Variants in CD1B observed in about 807,000 individuals in gnomAD.
CD1B encodes the protein CD1b molecule, also known as T-cell surface glycoprotein CD1b.
CD1B carries 43 observed loss-of-function variants against 39.8 expected under a neutral mutation model. That is an observed-to-expected ratio of 1.08 (90% CI 0.85 to 1.39). The LOEUF is 1.39. CD1B is among the 40% of genes most tolerant of loss of function. The pLI is 0.00. For synonymous variants in CD1B, 192 were observed against 152.5 expected, an observed-to-expected ratio of 1.26 and a Z score of -1.91; for missense variants, 495 against 403.8, an observed-to-expected ratio of 1.23 and a Z score of -1.94.
chr1:158,297,668 C>T, the CD1B span, among the ~76,000 whole-genome samples: 2 of 152,256 alleles, frequency 1.3e-5, no homozygotes, highest in Admixed American at 6.5e-5. Flanking sequence ...AAGACCCTGG[C>T]TCATGCCTGT....
the CD1B span, among the ~76,000 whole-genome samples, chr1:158,304,455 T>A: frequency 0.012 from 1,757 of 152,148 alleles, 34 homozygotes; most frequent in African/African-American, 0.04. Context: ...TCGAATGGGG[T>A]GTAGCCCACC....
the CD1B span, among the ~76,000 whole-genome samples, chr1:158,319,060 A>T: frequency 9.7e-3 from 1,470 of 151,350 alleles, 14 homozygotes; most frequent in Admixed American, 0.021. Context: ...CTTCCCTTTG[A>T]GGGTAACCCG....
At chr1:158,314,763 G>A in the CD1B span, among the ~76,000 whole-genome samples, 177 of 151,200 alleles carry the variant, frequency 1.2e-3, no homozygotes, top group Admixed American at 2.0e-3. Context: ...CCACTAACTC[G>A]TCATCTAGCA....
the CD1B span, among the ~76,000 whole-genome samples, chr1:158,289,348 G>A: frequency 2.6e-5 from 4 of 152,202 alleles, no homozygotes; most frequent in Admixed American, 2.6e-4. Flanking sequence ...AAATGCAGTA[G>A]AAGGGCTTCT....
At chr1:158,324,426 A>G (rs1652280312), downstream of CD1B, among the ~76,000 whole-genome samples, 1 of 152,158 alleles carries the variant, frequency 6.6e-6, no homozygotes, top group Non-Finnish European at 1.5e-5. Context: ...GTTACCTCCT[A>G]TTCCACCATC....
chr1:158,293,125 G>A, the CD1B span: 2,541 of 1,076,722 alleles, frequency 2.4e-3, 41 homozygotes, highest in African/African-American at 0.034. Flanking sequence ...CTCATCCAAT[G>A]CATATGTTAA....
At chr1:158,307,921 G>T in the CD1B span, among the ~76,000 whole-genome samples, 1 of 152,152 alleles carries the variant, frequency 6.6e-6, no homozygotes, top group Non-Finnish European at 1.5e-5. Flanking sequence ...TGGAAAACTG[G>T]CACAAGACAG....
chr1:158,318,608 T>G, the CD1B span, among the ~76,000 whole-genome samples: 1 of 152,212 alleles, frequency 6.6e-6, no homozygotes, highest in Non-Finnish European at 1.5e-5. Flanking sequence ...GGGTCTTGAC[T>G]CTTTATCCAA....
At position 158,331,485 on chromosome 1, in the gene CD1B, G is replaced by A; in HGVS notation, c.-62C>T. Reference sequence around the variant, plus strand: ...GTATTTGATCTCCAATTTCAGCAAAGCTTTTCCTCAGTACCCTGTAGTGAC... The same window carrying A: ...GTATTTGATCTCCAATTTCAGCAAAACTTTTCCTCAGTACCCTGTAGTGAC... On this transcript the variant is annotated 5_prime_UTR_variant, in exon 1 of 6. Coordinates refer to ENST00000368168, the MANE Select transcript of CD1B (RefSeq NM_001764.3). 7.2e-7 allele frequency: 1 copy of A among 1,386,924 alleles called. No homozygotes were observed. The highest frequency in any genetic ancestry group is 1.0e-6 in the Non-Finnish European group (1 of 978,838). 85.9% of individuals were successfully genotyped at this position (1,386,924 alleles called of 1,614,324 possible). A position where few individuals can be genotyped will look rare whatever the true frequency, so the allele number is the denominator to read the frequency against.
At chr1:158,320,793 T>C in the CD1B span, among the ~76,000 whole-genome samples, 1 of 152,234 alleles carries the variant, frequency 6.6e-6, no homozygotes, top group Non-Finnish European at 1.5e-5. Flanking sequence ...CTGTATGTTG[T>C]CTAATTTCCA....
chr1:158,316,618 C>G, the CD1B span, among the ~76,000 whole-genome samples: 1 of 151,204 alleles, frequency 6.6e-6, no homozygotes, highest in Non-Finnish European at 1.5e-5. Context: ...GACAATTTGA[C>G]TTCCTCTTTT....
chr1:158,293,155 G>A, the CD1B span: 5 of 1,303,144 alleles, frequency 3.8e-6, no homozygotes, highest in Non-Finnish European at 5.5e-6. Context: ...TCAATAGATG[G>A]AATAGAATCA....
the CD1B span, among the ~76,000 whole-genome samples, chr1:158,306,035 A>G: frequency 5.3e-5 from 8 of 152,210 alleles, no homozygotes; most frequent in African/African-American, 1.7e-4. Flanking sequence ...AATGAGCAAA[A>G]TAACCACCTA....
downstream of CD1B, among the ~76,000 whole-genome samples, chr1:158,323,078 C>A (rs374102196): frequency 2.6e-5 from 4 of 152,092 alleles, no homozygotes; most frequent in African/African-American, 9.6e-5. Context: ...GTGAATAAGC[C>A]GTCTATTTCC....
chr1:158,292,874 G>T, the CD1B span: 2 of 1,613,630 alleles, frequency 1.2e-6, no homozygotes, highest in Non-Finnish European at 8.5e-7. Flanking sequence ...CCTCTACTGG[G>T]GTAAGACTGG....
At chr1:158,319,180 C>A in the CD1B span, among the ~76,000 whole-genome samples, 22 of 151,216 alleles carry the variant, frequency 1.5e-4, no homozygotes, top group African/African-American at 5.1e-4. Context: ...TTGTGGTGTT[C>A]TCTGTATTTC....
the CD1B span, chr1:158,293,616 A>C: frequency 6.3e-7 from 1 of 1,593,126 alleles, no homozygotes; most frequent in Non-Finnish European, 8.6e-7. Context: ...ATAAAAACCA[A>C]ATTCTAATTT....
the CD1B span, among the ~76,000 whole-genome samples, chr1:158,318,807 G>T: frequency 2.0e-5 from 3 of 152,158 alleles, no homozygotes; most frequent in African/African-American, 4.8e-5. Flanking sequence ...TGTACCGGTT[G>T]TTCCTTTCCA....
At chr1:158,328,345 G>A (rs1652437358) in intron 5 of CD1B, 88 bp from the exon 6 acceptor site, 2 of 1,108,020 alleles carry the variant, frequency 1.8e-6, no homozygotes, top group African/African-American at 1.6e-5. Context: ...ATAGTTAAAA[G>A]TGAAAGCAAC....
Sources: allele counts gnomAD v4.1 joint callset (sites outside exome capture counted in the v4.1 genomes callset), GRCh38; gene constraint gnomAD v4.1.1; transcripts MANE v1.5; gene names NCBI Gene and HGNC (gene_info 2026-07-23, HGNC 2026-07-21).